INPP5A: variants seen among roughly 807,000 people sequenced by gnomAD.
INPP5A encodes inositol polyphosphate-5-phosphatase A.
Under a neutral mutation model 65.2 loss-of-function variants are expected in INPP5A, and 14 were observed. The ratio of observed to expected loss-of-function variants is 0.21; its 90% CI spans 0.14 to 0.34. INPP5A has a LOEUF of 0.34. Ranked by LOEUF, INPP5A falls within the 10% of genes least tolerant of loss-of-function variation. The pLI, the probability that INPP5A is intolerant of heterozygous loss-of-function variation, is 1.00. For synonymous variants in INPP5A, 207 were observed against 208.3 expected (o/e 0.99, Z 0.05); for missense variants, 431 against 545.6 (o/e 0.79, Z 2.09).
chr10:132,695,828 T>C (rs896281776), intron 5 of INPP5A, among the ~76,000 whole-genome samples: 4 of 152,190 alleles, frequency 2.6e-5, no homozygotes, highest in Non-Finnish European at 5.9e-5. Context: ...ACTATAAAAC[T>C]CTGATGAAAT....
intron 2 of INPP5A, among the ~76,000 whole-genome samples, chr10:132,609,096 G>C (rs999535879): frequency 5.9e-5 from 9 of 152,234 alleles, no homozygotes; most frequent in African/African-American, 1.9e-4. Context: ...GCGCATGTGT[G>C]TGCTTAGCAC....
chr10:132,555,881 C>T lies in INPP5A; in HGVS notation c.75+17710C>T, dbSNP rs1049506320. ...AGGAATCTGCGTCACAGATGAAAAA[C>T]ACGCGTTTCCCCTTTTCGTAAGAGG... On this transcript the variant is annotated intron_variant, in intron 1 of 15. Transcript: ENST00000368594. This position sits in a 1 kb window ranked among gnomAD's most constrained non-coding sequence, Gnocchi z 4.4. 6.6e-6 allele frequency among the ~76,000 whole-genome samples: 1 copy of T among 152,166 alleles called. No homozygotes were observed. Among genetic ancestry groups the T allele is most frequent in the Non-Finnish European group, 1.5e-5 (1 of 68,024 alleles).
chr10:132,699,364 G>GC (rs1480635323), intron 6 of INPP5A, among the ~76,000 whole-genome samples: 1 of 62,092 alleles, frequency 1.6e-5, no homozygotes, highest in Admixed American at 1.8e-4. Flanking sequence ...TGCTGGGGTG[G>GC]GGGGGGGCTG....
intron 6 of INPP5A, among the ~76,000 whole-genome samples, chr10:132,699,120 A>G (rs1221560519): frequency 6.6e-6 from 1 of 152,188 alleles, no homozygotes; most frequent in African/African-American, 2.4e-5. Flanking sequence ...TTCTCCACGC[A>G]CAGTAGTTGC....
intron 4 of INPP5A, among the ~76,000 whole-genome samples, chr10:132,665,401 T>C (rs1225116372): frequency 6.6e-6 from 1 of 152,256 alleles, no homozygotes; most frequent in Non-Finnish European, 1.5e-5. Context: ...AAAAGTGATA[T>C]TAAGATTCGG....
rs891511963 is a variant in INPP5A at position 132,650,877 on chromosome 10, G to A, written c.306+372G>A. Among the ~76,000 whole-genome samples, 2 of 152,178 alleles carry A rather than the reference G, an allele frequency of 1.3e-5. No homozygotes were observed. The highest frequency in any genetic ancestry group is 6.5e-5 in the Admixed American group (1 of 15,288). ...AGCCGGTATTGCTTCAAGAGCCACCGTCGCCAGCCCTGCTCCCATGCTGGG... is the reference window on the plus strand; with the variant it reads ...AGCCGGTATTGCTTCAAGAGCCACCATCGCCAGCCCTGCTCCCATGCTGGG... On this transcript the variant is annotated intron_variant, in intron 4 of 15. Coordinates refer to ENST00000368594, the MANE Select transcript of INPP5A (RefSeq NM_005539.5). The surrounding 1 kb of genome is among the most constrained non-coding windows in gnomAD (Gnocchi z 5.5).
chr10:132,668,425 C>T (rs961969552), intron 4 of INPP5A, among the ~76,000 whole-genome samples: 19 of 152,162 alleles, frequency 1.2e-4, no homozygotes, highest in African/African-American at 2.7e-4. Context: ...GCACATTTGA[C>T]GGACTTCTTT....
chr10:132,595,414 A>T (rs890467319), intron 1 of INPP5A, among the ~76,000 whole-genome samples: 1 of 152,202 alleles, frequency 6.6e-6, no homozygotes, highest in African/African-American at 2.4e-5. Flanking sequence ...TATACCTAAT[A>T]CTTGTTATTT....
chr10:132,749,876 C>G, intron 11 of INPP5A, 31 bp downstream of exon 11: 1 of 1,593,376 alleles, frequency 6.3e-7, no homozygotes, highest in South Asian at 1.1e-5. Context: ...GGCAGCTCCC[C>G]CGTCCTGGGA....
intron 9 of INPP5A, among the ~76,000 whole-genome samples, chr10:132,747,942 C>G (rs903277614): frequency 6.6e-6 from 1 of 152,038 alleles, no homozygotes; most frequent in East Asian, 1.9e-4. Flanking sequence ...CCCAGCTACT[C>G]GAGGGGCTGA....
chr10:132,765,758 C>CTTTCT lies in INPP5A; in HGVS notation c.904-7_904-3dup, dbSNP rs766689124. ...AACCAATGTGACTTTATTTTCTGCT[C>CTTTCT]TTTCTTTTCTTTAGCTCTTGGAGTT... On this transcript the variant is annotated splice_polypyrimidine_tract_variant and intron_variant, in intron 11 of 15. Transcript: ENST00000368594. The CTTTCT allele has an allele frequency of 1.3e-6, 2 of 1,558,210 alleles. No individual in the cohort carries two copies. The highest frequency in any genetic ancestry group is 2.7e-5 in the African/African-American group (2 of 73,804).
At chr10:132,642,913 A>G (rs905020359) in intron 2 of INPP5A, among the ~76,000 whole-genome samples, 4 of 152,108 alleles carry the variant, frequency 2.6e-5, no homozygotes, top group African/African-American at 9.7e-5. Flanking sequence ...GCTTGGGGAA[A>G]CTGAGAGTAT....
chr10:132,589,783 C>T (rs1484492306), intron 1 of INPP5A, among the ~76,000 whole-genome samples: 2 of 152,254 alleles, frequency 1.3e-5, no homozygotes, highest in African/African-American at 4.8e-5. Flanking sequence ...CTCCAAGAGA[C>T]GCTCCTGGCT....
At chr10:132,590,618 G>T (rs929129860) in intron 1 of INPP5A, among the ~76,000 whole-genome samples, 1 of 152,196 alleles carries the variant, frequency 6.6e-6, no homozygotes, top group Non-Finnish European at 1.5e-5. Flanking sequence ...GATCTCAAGC[G>T]TCGCGTCTAG....
At chr10:132,577,239 C>G (rs376904811) in intron 1 of INPP5A, among the ~76,000 whole-genome samples, 1 of 152,194 alleles carries the variant, frequency 6.6e-6, no homozygotes, top group South Asian at 2.1e-4. Context: ...CGGCACGCCG[C>G]CCGTGGTGCA....
chr10:132,695,648 A>G (rs750845366), intron 5 of INPP5A, among the ~76,000 whole-genome samples: 3 of 152,246 alleles, frequency 2.0e-5, no homozygotes, highest in Non-Finnish European at 2.9e-5. Context: ...AATTATAGCA[A>G]CATTGCAGGA....
At chr10:132,604,243 G>T in intron 1 of INPP5A, among the ~76,000 whole-genome samples, 1 of 146,782 alleles carries the variant, frequency 6.8e-6, no homozygotes, top group African/African-American at 2.5e-5. Context: ...TGCTGTCACG[G>T]TCCCCTCTCC....
chr10:132,572,418 G>C (rs2071355173), intron 1 of INPP5A, among the ~76,000 whole-genome samples: 1 of 152,198 alleles, frequency 6.6e-6, no homozygotes, highest in Non-Finnish European at 1.5e-5. Context: ...GAGGAGTCGT[G>C]GTTTCTGGGG....
At chr10:132,543,193 A>T (rs1380046335) in intron 1 of INPP5A, among the ~76,000 whole-genome samples, 1 of 152,058 alleles carries the variant, frequency 6.6e-6, no homozygotes. Flanking sequence ...ATTGTAGAAC[A>T]TTTTTATCAC....
Sources: gnomAD v4.1 joint callset for allele counts (sites outside exome capture counted in the v4.1 genomes callset) on GRCh38, gnomAD v4.1.1 for gene constraint, Gnocchi (gnomAD v3.1) non-coding constraint, MANE v1.5 for transcripts, NCBI Gene and HGNC (gene_info 2026-07-23, HGNC 2026-07-21) for gene names.